KLF15: variants seen among roughly 807,000 people sequenced by gnomAD.
KLF15 encodes the protein KLF transcription factor 15, also known as Krueppel-like factor 15.
In KLF15, 4 loss-of-function variants were observed where a neutral mutation model predicts 24.6. The ratio of observed to expected loss-of-function variants is 0.16; its 90% CI spans 0.08 to 0.37. The LOEUF (loss-of-function observed/expected upper bound fraction) is 0.37, where lower values mean the gene tolerates loss of function less well. KLF15 is among the 10% of genes least tolerant of loss of function. The probability of loss-of-function intolerance (pLI) is 1.00; values close to 1 mark genes in which losing one functional copy is unlikely to be tolerated. For synonymous variants in KLF15, 246 were observed against 236.3 expected, an observed-to-expected ratio of 1.04 and a Z score of -0.37; for missense variants, 496 against 560.6, an observed-to-expected ratio of 0.88 and a Z score of 1.16.
chr3:126,305,937 G>A, the KLF15 span, among the ~76,000 whole-genome samples: 221 of 152,342 alleles, frequency 1.5e-3, 1 homozygote, highest in African/African-American at 5.1e-3. Context: ...TGTGTGGACA[G>A]GTCCAGAAGA....
At chr3:126,324,846 A>G in the KLF15 span, among the ~76,000 whole-genome samples, 1 of 89,416 alleles carries the variant, frequency 1.1e-5, no homozygotes, top group Non-Finnish European at 2.0e-5. Context: ...TTTAGGGTAC[A>G]TGTGCACATT....
the KLF15 span, among the ~76,000 whole-genome samples, chr3:126,312,540 GTCTGACTC>G: frequency 6.6e-6 from 1 of 152,162 alleles, no homozygotes; most frequent in African/African-American, 2.4e-5. Context: ...TGTTTCTTAT[GTCTGACTC>G]TCCCTTAGGG....
chr3:126,294,273 C>T, the KLF15 span, among the ~76,000 whole-genome samples: 6,734 of 152,110 alleles, frequency 0.044, 474 homozygotes, highest in African/African-American at 0.15. Flanking sequence ...GGGTTCTCCC[C>T]CATCAACTCA....
At chr3:126,294,706 C>T in the KLF15 span, among the ~76,000 whole-genome samples, 1,154 of 152,234 alleles carry the variant, frequency 7.6e-3, 10 homozygotes, top group Non-Finnish European at 0.012. Context: ...AAGAACGAGC[C>T]TTGCACAGGC....
downstream of KLF15, among the ~76,000 whole-genome samples, chr3:126,339,155 C>T (rs764086089): frequency 5.3e-5 from 8 of 152,130 alleles, no homozygotes; most frequent in African/African-American, 9.7e-5. Flanking sequence ...CCCTTCCTGA[C>T]GGGCCCGGCT....
At chr3:126,343,924 C>G (rs775592471) in intron 2 of KLF15, 29 bp from the exon 3 acceptor site, 2 of 1,543,228 alleles carry the variant, frequency 1.3e-6, no homozygotes, top group Non-Finnish European at 1.7e-6. Flanking sequence ...TCAGCGAGGC[C>G]TGGCCCTGCC....
the KLF15 span, among the ~76,000 whole-genome samples, chr3:126,322,261 C>G: frequency 6.6e-6 from 1 of 152,260 alleles, no homozygotes; most frequent in Admixed American, 6.5e-5. Context: ...TATTTTCTTA[C>G]AGTTCTGGAA....
chr3:126,299,576 C>T, the KLF15 span, among the ~76,000 whole-genome samples: 13 of 151,660 alleles, frequency 8.6e-5, no homozygotes, highest in South Asian at 4.2e-4. Flanking sequence ...AGTGAAACCC[C>T]GTCTCTACTA....
chr3:126,317,649 G>T, the KLF15 span, among the ~76,000 whole-genome samples: 4 of 152,108 alleles, frequency 2.6e-5, no homozygotes, highest in Non-Finnish European at 5.9e-5. Context: ...TACCCCAAGG[G>T]AAGACTCAGG....
At chr3:126,321,093 C>T in the KLF15 span, among the ~76,000 whole-genome samples, 1 of 152,142 alleles carries the variant, frequency 6.6e-6, no homozygotes, top group African/African-American at 2.4e-5. Flanking sequence ...GGCCCAGGCT[C>T]TGTCTCTGTC....
chr3:126,343,549 T>A lies in KLF15; in HGVS notation c.*178A>T. On this transcript the variant is annotated 3_prime_UTR_variant, in exon 3 of 3. Transcript: ENST00000296233. Reference sequence around the variant, plus strand: ...CCCCAGGGACGCGGGTTCGAGGCTCTAAGTACTCCCGAGAAAGGCAGCGGT... The same window carrying A: ...CCCCAGGGACGCGGGTTCGAGGCTCAAAGTACTCCCGAGAAAGGCAGCGGT... 6.4e-6 allele frequency: 4 copies of A among 624,072 alleles called. No homozygotes were observed. Among genetic ancestry groups the A allele is most frequent in the Non-Finnish European group, 1.1e-5 (4 of 370,876 alleles). The allele number at this position is 624,072 out of a possible 1,614,324, so 38.7% of individuals were successfully genotyped here.
chr3:126,322,535 TC>T, the KLF15 span, among the ~76,000 whole-genome samples: 1 of 152,040 alleles, frequency 6.6e-6, no homozygotes, highest in South Asian at 2.1e-4. Context: ...CCCAGGATCC[TC>T]CCCCCATCTC....
At chr3:126,307,227 A>G in the KLF15 span, among the ~76,000 whole-genome samples, 1 of 151,898 alleles carries the variant, frequency 6.6e-6, no homozygotes, top group Non-Finnish European at 1.5e-5. Flanking sequence ...CCCACTCCCA[A>G]AGGACTTGAC....
the KLF15 span, among the ~76,000 whole-genome samples, chr3:126,296,975 A>G: frequency 3.9e-5 from 6 of 152,034 alleles, no homozygotes; most frequent in East Asian, 1.9e-4. Context: ...GGGTCTTGTT[A>G]TGTTGCCCAA....
chr3:126,289,592 A>G, the KLF15 span, among the ~76,000 whole-genome samples: 1 of 152,228 alleles, frequency 6.6e-6, no homozygotes, highest in Non-Finnish European at 1.5e-5. Context: ...AAAAGACGAT[A>G]CATTTCTCAC....
At chr3:126,295,566 C>T in the KLF15 span, among the ~76,000 whole-genome samples, 3 of 152,148 alleles carry the variant, frequency 2.0e-5, no homozygotes, top group Non-Finnish European at 2.9e-5. Flanking sequence ...ATCAGTGCCT[C>T]CTCCCCTCCC....
intron 2 of KLF15, among the ~76,000 whole-genome samples, chr3:126,345,308 T>C (rs1315635443): frequency 1.3e-5 from 2 of 152,020 alleles, no homozygotes; most frequent in African/African-American, 2.4e-5. Flanking sequence ...GACTGTCAGC[T>C]CCATGACAAA....
chr3:126,348,007 C>CTA (rs2082549039), intron 2 of KLF15, among the ~76,000 whole-genome samples: 4 of 152,068 alleles, frequency 2.6e-5, no homozygotes, highest in African/African-American at 9.7e-5. Flanking sequence ...TGGAGAGCTC[C>CTA]CCCACGGGGA....
the KLF15 span, among the ~76,000 whole-genome samples, chr3:126,302,600 T>C: frequency 6.6e-6 from 1 of 152,186 alleles, no homozygotes; most frequent in South Asian, 2.1e-4. Context: ...AGATTGTTAT[T>C]TTTCTTGATG....
Sources: gnomAD v4.1 joint callset for allele counts (sites outside exome capture counted in the v4.1 genomes callset) on GRCh38, gnomAD v4.1.1 for gene constraint, MANE v1.5 for transcripts, NCBI Gene and HGNC (gene_info 2026-07-23, HGNC 2026-07-21) for gene names.